Variants in SMKR1 observed in about 807,000 individuals in gnomAD.
SMKR1 encodes the protein small lysine rich protein 1.
In SMKR1, 4 loss-of-function variants were observed where a neutral mutation model predicts 4.0. That is an observed-to-expected ratio of 1.00 (90% CI 0.49 to 2.30). SMKR1 has a LOEUF of 2.30. SMKR1 is among the 30% of genes most tolerant of loss of function. SMKR1 has a pLI of 0.02. For synonymous variants in SMKR1, 38 were observed against 32.5 expected, an observed-to-expected ratio of 1.17 and a Z score of -0.58; for missense variants, 56 against 81.8, an observed-to-expected ratio of 0.68 and a Z score of 1.22.
intron 1 of SMKR1, among the ~76,000 whole-genome samples, chr7:129,503,966 C>T (rs375563854): frequency 3.3e-5 from 5 of 151,796 alleles, no homozygotes; most frequent in Admixed American, 2.6e-4. Flanking sequence ...TAGCTCGGAC[C>T]GTAGGCAGGC....
rs1460248706 is a variant in SMKR1, at chr7:129,502,538, G to T, written c.-287G>T. 2 of 313,184 alleles carry T rather than the reference G, an allele frequency of 6.4e-6. No individual in the cohort carries two copies. Among genetic ancestry groups the T allele is most frequent in the East Asian group, 5.2e-5 (1 of 19,316 alleles). The allele number at this position is 313,184 out of a possible 1,614,324, so 19.4% of individuals were successfully genotyped here. A position where few individuals can be genotyped will look rare whatever the true frequency, so the allele number is the denominator to read the frequency against. ...CGGCCCCGCCCCCGAGGCGCACGCCGGCCCAGCGCCCACAGCTGCGGCGGC... is the reference window on the plus strand; with the variant it reads ...CGGCCCCGCCCCCGAGGCGCACGCCTGCCCAGCGCCCACAGCTGCGGCGGC... On this transcript the variant is annotated 5_prime_UTR_variant, in exon 1 of 2. Transcript: ENST00000462322.
chr7:129,505,992 T>A (rs1263889924), intron 1 of SMKR1, among the ~76,000 whole-genome samples: 2 of 152,164 alleles, frequency 1.3e-5, no homozygotes, highest in Non-Finnish European at 2.9e-5. Context: ...GGGAGCTGCA[T>A]GTTCTGAGAC....
rs1799421151 is a variant in SMKR1 at position 129,502,592 on chromosome 7, C to T, written c.-233C>T. The T allele has an allele frequency of 3.9e-6, 2 of 507,338 alleles. No homozygotes were observed. Among genetic ancestry groups the T allele is most frequent in the East Asian group, 3.7e-5 (1 of 27,078 alleles). The allele number at this position is 507,338 out of a possible 1,614,324, so 31.4% of individuals were successfully genotyped here. A position where few individuals can be genotyped will look rare whatever the true frequency, so the allele number is the denominator to read the frequency against. On this transcript the variant is annotated 5_prime_UTR_variant, in exon 1 of 2. Coordinates refer to ENST00000462322, the MANE Select transcript of SMKR1 (RefSeq NM_001195243.2). ...GGTGCCGCGTGGGGCAAGCAGGTGC[C>T]TCGCGTCCAGGCGGCTCCGCGGCTG...
In SMKR1 at chr7:129,502,967, A is replaced by AT; in HGVS notation, c.3+140_3+141insT. The AT allele has an allele frequency of 3.1e-6, 4 of 1,271,510 alleles. No homozygotes were observed. The South Asian group carries it at 5.8e-5, about 19-fold the overall frequency. The allele number at this position is 1,271,510 out of a possible 1,614,324, so 78.8% of individuals were successfully genotyped here. A position where few individuals can be genotyped will look rare whatever the true frequency, so the allele number is the denominator to read the frequency against. On this transcript the variant is annotated intron_variant, in intron 1 of 1. Transcript: ENST00000462322. ...CGCGTGGCGAAAAGATGGAGGGACA[A>AT]GGGGTGCCCGGCGGTCCGCGCCTGC...
In SMKR1 at chr7:129,502,777, C is replaced by T; in HGVS notation, c.-48C>T. ...CGGCCCCGGTGGATGCTAAGGGCTT[C>T]GGGATCGGGAGAGTCCACCACGCCT... On this transcript the variant is annotated 5_prime_UTR_variant, in exon 1 of 2. Coordinates refer to ENST00000462322, the MANE Select transcript of SMKR1 (RefSeq NM_001195243.2). 3 of 1,534,892 alleles carry T rather than the reference C, an allele frequency of 2.0e-6. No homozygotes were observed. The highest frequency in any genetic ancestry group is 2.4e-5 in the South Asian group (2 of 84,054).
chr7:129,511,122 C>A (rs1167373672), intron 1 of SMKR1, among the ~76,000 whole-genome samples: 1 of 152,154 alleles, frequency 6.6e-6, no homozygotes, highest in Non-Finnish European at 1.5e-5. Context: ...TGCTAAGTAT[C>A]TTATATTTGT....
Position 129,512,357 on chromosome 7 carries a change from C to A in SMKR1, c.114C>A (p.Ile38=). ...CGGCCATGCTGAACCTCTACTACAT[C>A]GCCCACAACGTCGCTGACTGCCTGC... The part of the protein sequence containing the change: ...SPAAMLNLYY[I]AHNVADCLHL... Residue 38 remains isoleucine (I), a synonymous_variant, in exon 2 of 2, where the codon ATC becomes ATA. Coordinates refer to ENST00000462322, the MANE Select transcript of SMKR1 (RefSeq NM_001195243.2). 1.3e-6 allele frequency: 2 copies of A among 1,536,106 alleles called. No individual in the cohort carries two copies. Among genetic ancestry groups the A allele is most frequent in the African/African-American group, 1.4e-5 (1 of 73,158 alleles).
At chr7:129,502,957 TGGA>T in intron 1 of SMKR1, 130 bp downstream of exon 1, 1 of 1,350,100 alleles carries the variant, frequency 7.4e-7, no homozygotes, top group Non-Finnish European at 1.0e-6. Context: ...GGCGAAAAGA[TGGA>T]GGGACAAGGG....
intron 1 of SMKR1, among the ~76,000 whole-genome samples, chr7:129,504,884 G>T (rs1799449489): frequency 6.6e-6 from 1 of 152,220 alleles, no homozygotes; most frequent in African/African-American, 2.4e-5. Flanking sequence ...TGGGTCGTGA[G>T]TAAATGCATT....
chr7:129,506,688 T>G (rs569209410), intron 1 of SMKR1, among the ~76,000 whole-genome samples: 9 of 148,036 alleles, frequency 6.1e-5, no homozygotes, highest in African/African-American at 2.0e-4. Context: ...TACATTATGT[T>G]TTTTTTTTTT....
chr7:129,506,728 T>C (rs1799469806), intron 1 of SMKR1, among the ~76,000 whole-genome samples: 1 of 151,884 alleles, frequency 6.6e-6, no homozygotes, highest in African/African-American at 2.4e-5. Flanking sequence ...TGAGTAATTA[T>C]TTGGAAATTC....
chr7:129,511,903 C>A (rs937211897), intron 1 of SMKR1, among the ~76,000 whole-genome samples: 10 of 152,066 alleles, frequency 6.6e-5, no homozygotes, highest in African/African-American at 2.4e-4. Context: ...ACTAACTCGG[C>A]CTGGCAAGAT....
chr7:129,511,448 C>T (rs1261587906), intron 1 of SMKR1, among the ~76,000 whole-genome samples: 1 of 152,212 alleles, frequency 6.6e-6, no homozygotes, highest in Non-Finnish European at 1.5e-5. Flanking sequence ...GTGTGCACTT[C>T]AGAAACGTGT....
intron 1 of SMKR1, among the ~76,000 whole-genome samples, chr7:129,510,260 T>C (rs1020566352): frequency 1.1e-4 from 16 of 152,210 alleles, no homozygotes; most frequent in Non-Finnish European, 7.3e-5. Flanking sequence ...ATTAGGATGG[T>C]ATCCATTTAT....
At chr7:129,503,500 C>G (rs1388248421) in intron 1 of SMKR1, among the ~76,000 whole-genome samples, 1 of 152,198 alleles carries the variant, frequency 6.6e-6, no homozygotes, top group Non-Finnish European at 1.5e-5. Flanking sequence ...ACAAACAAAA[C>G]GAACAAAAAC....
At position 129,502,636 on chromosome 7, in the gene SMKR1, C is replaced by T. The variant is rs947792404; in HGVS notation, c.-189C>T. ...GCGGCTGGCTGCCTCCCGAGCCGGC[C>T]GCGCTCCTCCCAGCGAGGCGTGGCG... is the stretch of plus-strand genomic sequence containing the variant. On this transcript the variant is annotated 5_prime_UTR_variant, in exon 1 of 2. Coordinates refer to ENST00000462322, the MANE Select transcript of SMKR1 (RefSeq NM_001195243.2). 4.1e-5 allele frequency: 33 copies of T among 810,654 alleles called. No homozygotes were observed. In the African/African-American group the frequency reaches 5.6e-4, roughly 14 times the overall value. 50.2% of individuals were successfully genotyped at this position (810,654 alleles called of 1,614,324 possible).
intron 1 of SMKR1, among the ~76,000 whole-genome samples, chr7:129,511,388 G>A (rs1241649642): frequency 2.0e-5 from 3 of 152,198 alleles, no homozygotes; most frequent in African/African-American, 7.2e-5. Flanking sequence ...GGAGCTGAGT[G>A]TTTTAAAGCA....
In SMKR1 at chr7:129,512,645, T is replaced by C. The variant is rs1799539234; in HGVS notation, c.*204T>C. 1.9e-6 allele frequency: 1 copy of C among 526,610 alleles called. No individual in the cohort carries two copies. The highest frequency in any genetic ancestry group is 3.2e-6 in the Non-Finnish European group (1 of 307,932). The allele number at this position is 526,610 out of a possible 1,614,324, so 32.6% of individuals were successfully genotyped here. A position where few individuals can be genotyped will look rare whatever the true frequency, so the allele number is the denominator to read the frequency against. ...GATATGGTTAGCCACTTTGGTTTTT[T>C]AGGAGCTATAGGATGGGAAAAGCCT... On this transcript the variant is annotated 3_prime_UTR_variant, in exon 2 of 2. Coordinates refer to ENST00000462322, the MANE Select transcript of SMKR1 (RefSeq NM_001195243.2).
intron 1 of SMKR1, among the ~76,000 whole-genome samples, chr7:129,504,589 G>C (rs1799446173): frequency 6.7e-6 from 1 of 149,800 alleles, no homozygotes; most frequent in Admixed American, 6.7e-5. Context: ...GTTTTGCTTT[G>C]TTGCCCAGGC....
Sources: allele counts gnomAD v4.1 joint callset (sites outside exome capture counted in the v4.1 genomes callset), GRCh38; gene constraint gnomAD v4.1.1; transcripts MANE v1.5; gene names NCBI Gene and HGNC (gene_info 2026-07-23, HGNC 2026-07-21).